Variants in OCRL observed in about 807,000 individuals in gnomAD.
The protein encoded by OCRL is inositol polyphosphate 5-phosphatase OCRL.
OCRL carries 8 observed loss-of-function variants against 78.9 expected under a neutral mutation model. The observed-to-expected ratio is 0.10, with a 90% CI of 0.06 to 0.18. The LOEUF is 0.18. OCRL is among the 10% of genes least tolerant of loss of function. The pLI is 1.00. For missense variants in OCRL, 454 were observed against 696.7 expected, an observed-to-expected ratio of 0.65 and a Z score of 3.92; for synonymous variants, 240 against 235.4, an observed-to-expected ratio of 1.02 and a Z score of -0.18.
At chrX:129,561,484 A>G (rs761360237) in intron 10 of OCRL, among the ~76,000 whole-genome samples, 191 bp downstream of exon 10, 46 of 111,849 alleles carry the variant, frequency 4.1e-4, no homozygotes, top group Non-Finnish European at 6.0e-4. Flanking sequence ...TTCTGATACT[A>G]TATTTTCATT....
chrX:129,587,146 C>T, intron 20 of OCRL, 28 bp downstream of exon 20: 1 of 935,247 alleles, frequency 1.1e-6, no homozygotes, highest in Non-Finnish European at 1.6e-6. Flanking sequence ...TTCCCTACAA[C>T]TTTGGAAGGT....
intron 3 of OCRL, 25 bp downstream of exon 3, chrX:129,545,062 G>T (rs1224142309): frequency 1.2e-6 from 1 of 803,989 alleles, no homozygotes; most frequent in South Asian, 2.1e-5. Flanking sequence ...TCCTTAGCTA[G>T]TTTTATAATG....
chrX:129,548,034 T>C (rs774904738), intron 3 of OCRL, among the ~76,000 whole-genome samples: 4 of 111,499 alleles, frequency 3.6e-5, no homozygotes, highest in Non-Finnish European at 7.5e-5. Context: ...GGCCCACAGG[T>C]AGTAGTTGTA....
intron 3 of OCRL, among the ~76,000 whole-genome samples, chrX:129,545,865 A>AC (rs1935871291): frequency 9.1e-6 from 1 of 109,426 alleles, no homozygotes; most frequent in East Asian, 2.9e-4. Flanking sequence ...CAGGTGCACC[A>AC]CCCCCCAGCT....
rs183693232 is a variant in OCRL at position 129,557,467 on chromosome X, T to C, written c.349+32T>C. On this transcript the variant is annotated intron_variant, in intron 5 of 23. Transcript: ENST00000371113. ...AAAGACTCAGCGATTTTCTTTCTTC[T>C]ATTTCAACGGGAGTGGAATTCTGAC... The C allele has an allele frequency of 2.4e-4, 267 of 1,126,317 alleles. 1 individual carries two copies. The highest frequency in any genetic ancestry group is 3.1e-4 in the Non-Finnish European group (251 of 822,237). 92.8% of individuals were successfully genotyped at this position (1,126,317 alleles called of 1,213,427 possible). A position where few individuals can be genotyped will look rare whatever the true frequency, so the allele number is the denominator to read the frequency against.
At chrX:129,548,101 C>T (rs916854148) in intron 3 of OCRL, among the ~76,000 whole-genome samples, 2 of 111,795 alleles carry the variant, frequency 1.8e-5, no homozygotes, top group African/African-American at 6.5e-5. Flanking sequence ...GATGAGATCA[C>T]TGGGAAATTT....
chrX:129,591,043 T>TC lies in OCRL; in HGVS notation c.*775dup, dbSNP rs1936579445. 1 of 113,479 alleles carries TC rather than the reference T, an allele frequency of 8.8e-6. No individual in the cohort carries two copies. Among genetic ancestry groups the TC allele is most frequent in the Non-Finnish European group, 1.9e-5 (1 of 53,317 alleles). 9.4% of individuals were successfully genotyped at this position (113,479 alleles called of 1,213,427 possible). A position where few individuals can be genotyped will look rare whatever the true frequency, so the allele number is the denominator to read the frequency against. ...AGTGAGAGCATTCATGTTTGACAGGTCCTGCTTCCCACTATCCTTTTCCTG... is the reference window on the plus strand; with the variant it reads ...AGTGAGAGCATTCATGTTTGACAGGTCCCTGCTTCCCACTATCCTTTTCCTG... On this transcript the variant is annotated 3_prime_UTR_variant, in exon 24 of 24. Transcript: ENST00000371113.
chrX:129,568,167 C>T (rs1236316176), intron 14 of OCRL, among the ~76,000 whole-genome samples: 2 of 110,718 alleles, frequency 1.8e-5, no homozygotes, highest in African/African-American at 3.3e-5. Context: ...CCACCCGCCT[C>T]GGCCTCCCAA....
chrX:129,583,120 A>G (rs977826792), intron 18 of OCRL, among the ~76,000 whole-genome samples: 16 of 111,554 alleles, frequency 1.4e-4, no homozygotes, highest in South Asian at 7.6e-4. Flanking sequence ...TACTATCCCT[A>G]TTTTAGAGAT....
chrX:129,572,003 C>T (rs1223564883), intron 15 of OCRL, among the ~76,000 whole-genome samples: 1 of 111,712 alleles, frequency 9.0e-6, no homozygotes, highest in Non-Finnish European at 1.9e-5. Flanking sequence ...CTGTCCAGTC[C>T]AGTGGCTTCT....
At chrX:129,589,596 C>T (rs988316230) in intron 22 of OCRL, 1 of 405,547 alleles carries the variant, frequency 2.5e-6, no homozygotes, top group East Asian at 4.3e-5. Context: ...GCAGGGTGTG[C>T]GTATGAATGT....
intron 3 of OCRL, among the ~76,000 whole-genome samples, chrX:129,546,617 C>T (rs963307306): frequency 8.9e-6 from 1 of 112,122 alleles, no homozygotes; most frequent in Non-Finnish European, 1.9e-5. Flanking sequence ...TAGCCACGTT[C>T]CATAGTAAGT....
intron 15 of OCRL, among the ~76,000 whole-genome samples, chrX:129,570,294 A>G (rs775540508): frequency 3.6e-5 from 4 of 112,049 alleles, no homozygotes; most frequent in Admixed American, 2.8e-4. Context: ...TTTGCATCCG[A>G]GTTCAACCAC....
At chrX:129,563,938 A>G (rs1268173977) in intron 12 of OCRL, among the ~76,000 whole-genome samples, 7 of 108,154 alleles carry the variant, frequency 6.5e-5, no homozygotes, top group East Asian at 5.8e-4. Flanking sequence ...TGAACAGGCA[A>G]CCTACAAAAT....
chrX:129,566,827 A>G (rs1291879237), intron 13 of OCRL, among the ~76,000 whole-genome samples: 1 of 112,371 alleles, frequency 8.9e-6, no homozygotes, highest in Non-Finnish European at 1.9e-5. Flanking sequence ...ACTCTGGTAA[A>G]ATATTTCAGT....
In OCRL at chrX:129,540,319, C is replaced by T; in HGVS notation, c.-121C>T. The T allele has an allele frequency of 1.2e-6, 1 of 820,560 alleles. No homozygotes were observed. The highest frequency in any genetic ancestry group is 1.7e-6 in the Non-Finnish European group (1 of 572,922). 67.6% of individuals were successfully genotyped at this position (820,560 alleles called of 1,213,427 possible). A position where few individuals can be genotyped will look rare whatever the true frequency, so the allele number is the denominator to read the frequency against. On this transcript the variant is annotated 5_prime_UTR_variant, in exon 1 of 24. Transcript: ENST00000371113. ...GCTCCCGGCTCCCGGCGCCCGGCGC[C>T]CGGCGCGGAGCTGTTCCTCAAACGA...
chrX:129,542,491 T>A (rs1179521614), intron 2 of OCRL, among the ~76,000 whole-genome samples: 1 of 110,919 alleles, frequency 9.0e-6, no homozygotes, highest in Non-Finnish European at 1.9e-5. Context: ...AACTAACAAC[T>A]AATATAGTTG....
In OCRL at chrX:129,562,269, A is replaced by T. The variant is rs1367415964; in HGVS notation, c.940-115A>T. 16 of 593,823 alleles carry T rather than the reference A, an allele frequency of 2.7e-5. No homozygotes were observed. The East Asian group carries it at 4.3e-4, about 16-fold the overall frequency. The allele number at this position is 593,823 out of a possible 1,213,427, so 48.9% of individuals were successfully genotyped here. The stretch of plus-strand genomic sequence containing the variant: ...GTCCACTGAGAAATTAGAGGATATG[A>T]AGTCAGATTTGGGCACTAGTATATC... On this transcript the variant is annotated intron_variant, in intron 10 of 23. Transcript: ENST00000371113.
At position 129,567,379 on chromosome X, in the gene OCRL, C is replaced by A. The variant is rs750356239; in HGVS notation, c.1466+16C>A. On this transcript the variant is annotated intron_variant, in intron 14 of 23. Coordinates refer to ENST00000371113, the MANE Select transcript of OCRL (RefSeq NM_000276.4). ...GGGATTCCAGGTAAAGTAATAAGAACCTTCTCACAGAGAAGGTTAAGGCTT... is the reference window on the plus strand; with the variant it reads ...GGGATTCCAGGTAAAGTAATAAGAAACTTCTCACAGAGAAGGTTAAGGCTT... The A allele has an allele frequency of 1.9e-6, 2 of 1,062,243 alleles. No individual in the cohort carries two copies. The highest frequency in any genetic ancestry group is 1.9e-5 in the South Asian group (1 of 53,291). 87.5% of individuals were successfully genotyped at this position (1,062,243 alleles called of 1,213,427 possible). A position where few individuals can be genotyped will look rare whatever the true frequency, so the allele number is the denominator to read the frequency against.
Sources: allele counts gnomAD v4.1 joint callset (sites outside exome capture counted in the v4.1 genomes callset), GRCh38; gene constraint gnomAD v4.1.1; transcripts MANE v1.5; gene names NCBI Gene and HGNC (gene_info 2026-07-23, HGNC 2026-07-21).